Variants in NFKB1 observed in about 807,000 individuals in gnomAD.
NFKB1 encodes the protein nuclear factor NF-kappa-B p105 subunit.
Under a neutral mutation model 105.1 loss-of-function variants are expected in NFKB1, and 9 were observed. That is an observed-to-expected ratio of 0.09 (90% CI 0.05 to 0.15). The LOEUF (loss-of-function observed/expected upper bound fraction) is 0.15. NFKB1 is among the 10% of genes least tolerant of loss of function. NFKB1 has a pLI of 1.00. For synonymous variants in NFKB1, 440 were observed against 442.2 expected, an observed-to-expected ratio of 1.00 and a Z score of 0.06; for missense variants, 830 against 1,203.7, an observed-to-expected ratio of 0.69 and a Z score of 4.59.
intron 1 of NFKB1, among the ~76,000 whole-genome samples, chr4:102,502,390 G>GCGCGCGCACACA (rs1311577382): frequency 9.5e-5 from 10 of 105,396 alleles, no homozygotes; most frequent in African/African-American, 4.2e-4. Flanking sequence ...GCGCGCGCGC[G>GCGCGCGCACACA]CACACACACA....
intron 12 of NFKB1, 131 bp from the exon 13 acceptor site, chr4:102,594,761 A>G (rs1726467605): frequency 3.5e-6 from 2 of 568,234 alleles, no homozygotes; most frequent in Non-Finnish European, 6.4e-6. Context: ...CCCAACAGAA[A>G]AACCATGTGT....
Position 102,596,263 on chromosome 4 carries a change from A to T in NFKB1, c.1426A>T (p.Thr476Ser). 6.2e-7 allele frequency: 1 copy of T among 1,613,860 alleles called. No individual in the cohort carries two copies. Residue 476 changes from threonine to serine, a missense_variant, in exon 14 of 24, where the codon ACC (threonine) becomes TCC (serine). Transcript: ENST00000226574. ...TEQDQEPSEA[T>S]VGNGEVTLTY... ...GCAAGATCAGGAGCCCAGCGAGGCC[A>T]CCGTTGGGAATGGTGAGGTCACTCT...
In NFKB1 at chr4:102,548,766, C is replaced by A. The variant is rs192477561; in HGVS notation, c.258+10810C>A. ...GTTTGTGACTTGCAGCTGCATCATT[C>A]CAATTTCTGTCTCCATCTTCACATG... On this transcript the variant is annotated intron_variant, in intron 5 of 23. Transcript: ENST00000226574. Among the ~76,000 whole-genome samples the A allele has an allele frequency of 6.6e-3, 1,000 of 152,210 alleles. 8 individuals carry two copies. The highest frequency in any genetic ancestry group is 0.014 in the South Asian group (67 of 4,826).
At chr4:102,515,595 A>G (rs1305447718) in intron 1 of NFKB1, among the ~76,000 whole-genome samples, 1 of 152,050 alleles carries the variant, frequency 6.6e-6, no homozygotes, top group Non-Finnish European at 1.5e-5. Context: ...TGGTTACTTT[A>G]CCACTTTAGA....
At chr4:102,575,102 C>T (rs1365959752) in intron 6 of NFKB1, among the ~76,000 whole-genome samples, 1 of 152,140 alleles carries the variant, frequency 6.6e-6, no homozygotes, top group Non-Finnish European at 1.5e-5. Flanking sequence ...TGTCATGTTG[C>T]ATATTTTTCT....
chr4:102,583,502 C>T (rs1725474526), intron 10 of NFKB1, among the ~76,000 whole-genome samples: 1 of 152,144 alleles, frequency 6.6e-6, no homozygotes, highest in South Asian at 2.1e-4. Context: ...AATCCCCTAA[C>T]CCATAAGACA....
chr4:102,523,695 C>T (rs1212867420), intron 1 of NFKB1, among the ~76,000 whole-genome samples: 2 of 152,268 alleles, frequency 1.3e-5, no homozygotes, highest in East Asian at 3.9e-4. Flanking sequence ...CTCATTCCTT[C>T]CCTCTCATTT....
intron 9 of NFKB1, 77 bp from the exon 10 acceptor site, chr4:102,582,789 C>A: frequency 1.1e-6 from 1 of 906,732 alleles, no homozygotes. Flanking sequence ...AATATTAAAC[C>A]AGTTTTATTT....
At chr4:102,511,844 C>T (rs558597530) in intron 1 of NFKB1, among the ~76,000 whole-genome samples, 36 of 152,316 alleles carry the variant, frequency 2.4e-4, no homozygotes, top group African/African-American at 7.2e-4. Flanking sequence ...AGAACACTGG[C>T]AGCACTGCAA....
intron 6 of NFKB1, among the ~76,000 whole-genome samples, chr4:102,570,579 A>T (rs1247845102): frequency 1.3e-5 from 2 of 152,082 alleles, no homozygotes; most frequent in African/African-American, 4.8e-5. Flanking sequence ...TGTGTACCCA[A>T]CAGTGGGATT....
chr4:102,615,889 T>TAG (rs1475777749), intron 23 of NFKB1, among the ~76,000 whole-genome samples: 1 of 152,246 alleles, frequency 6.6e-6, no homozygotes, highest in Non-Finnish European at 1.5e-5. Context: ...TAAGGACACT[T>TAG]ATAAACAAAG....
intron 9 of NFKB1, 151 bp downstream of exon 9, chr4:102,580,790 T>G: frequency 1.7e-6 from 1 of 575,388 alleles, no homozygotes. Flanking sequence ...TTTTACCTCT[T>G]CCAAATGTAA....
At chr4:102,536,872 C>A (rs531329999) in intron 4 of NFKB1, among the ~76,000 whole-genome samples, 1 of 152,182 alleles carries the variant, frequency 6.6e-6, no homozygotes, top group Non-Finnish European at 1.5e-5. Context: ...GCTTAAGCGA[C>A]TATGTGGTTA....
At chr4:102,580,405 C>T (rs1725232578) in intron 8 of NFKB1, 130 bp from the exon 9 acceptor site, 2 of 703,608 alleles carry the variant, frequency 2.8e-6, no homozygotes, top group Non-Finnish European at 5.0e-6. Flanking sequence ...GTTTTATTTA[C>T]TTTGTTAGTG....
intron 14 of NFKB1, among the ~76,000 whole-genome samples, chr4:102,596,950 A>G (rs1726668077): frequency 6.6e-6 from 1 of 152,116 alleles, no homozygotes; most frequent in African/African-American, 2.4e-5. Flanking sequence ...TTAAAAATGT[A>G]TAAGCCATGA....
intron 17 of NFKB1, 107 bp from the exon 18 acceptor site, chr4:102,607,043 A>C: frequency 9.3e-7 from 1 of 1,071,848 alleles, no homozygotes; most frequent in East Asian, 2.4e-5. Context: ...TAGTATCTTT[A>C]CTGTCCCTCC....
At chr4:102,587,119 T>C (rs1725772236) in intron 11 of NFKB1, among the ~76,000 whole-genome samples, 2 of 152,166 alleles carry the variant, frequency 1.3e-5, no homozygotes, top group South Asian at 4.1e-4. Context: ...TAGGCTTTGA[T>C]TAAAATAGGG....
Position 102,612,524 on chromosome 4 carries a change from C to T in NFKB1, c.2510C>T (p.Ala837Val), listed in dbSNP as rs373165003. 4 of 1,613,872 alleles carry T rather than the reference C, an allele frequency of 2.5e-6. No homozygotes were observed. The highest frequency in any genetic ancestry group is 2.5e-6 in the Non-Finnish European group (3 of 1,179,994). ...PDPDKNWATLAQKLGLGILNN... is the reference protein window; with the variant it reads ...PDPDKNWATLVQKLGLGILNN... ...CCAGACAAAAACTGGGCTACTCTGG[C>T]GCAGAAATTAGGTCTGGGGATACTT... The change falls in exon 22 of 24, where the codon GCG (alanine) becomes GTG (valine). Residue 837 changes from alanine (A) to valine (V), a missense_variant. Ala to Val is a moderately conservative substitution (Grantham distance 64, BLOSUM62 0). Around this residue, in one of 8 missense-constraint regions of NFKB1, gnomAD observed 418 missense variants for 575.3 expected, o/e 0.73. Coordinates refer to ENST00000226574, the MANE Select transcript of NFKB1 (RefSeq NM_003998.4).
At chr4:102,569,227 A>G (rs928480785) in intron 6 of NFKB1, among the ~76,000 whole-genome samples, 2 of 152,080 alleles carry the variant, frequency 1.3e-5, no homozygotes, top group African/African-American at 2.4e-5. Flanking sequence ...CATTCTGGAA[A>G]CCAGTATTTT....
Sources: gnomAD v4.1 joint callset for allele counts (sites outside exome capture counted in the v4.1 genomes callset) on GRCh38, gnomAD v4.1.1 for gene constraint, gnomAD v4.1.1 regional missense constraint, MANE v1.5 for transcripts, NCBI Gene and HGNC (gene_info 2026-07-23, HGNC 2026-07-21) for gene names.